PLEKHA7: variants seen among roughly 807,000 people sequenced by gnomAD.
PLEKHA7 encodes the protein pleckstrin homology domain-containing family A member 7.
In PLEKHA7, 104 loss-of-function variants were observed where a neutral mutation model predicts 170.0. The observed-to-expected ratio is 0.61, with a 90% CI of 0.52 to 0.72. The LOEUF (loss-of-function observed/expected upper bound fraction) is 0.72. PLEKHA7 is among the 30% of genes least tolerant of loss of function. PLEKHA7 has a pLI of 0.00. For missense variants in PLEKHA7, 1,615 were observed against 1,671.7 expected, an observed-to-expected ratio of 0.97 and a Z score of 0.59; for synonymous variants, 648 against 660.8, an observed-to-expected ratio of 0.98 and a Z score of 0.30.
chr11:16,802,857 A>T lies in PLEKHA7; in HGVS notation c.2157+115T>A, dbSNP rs114137366. ...CACCGCACCTGGTGCATTTTTTTTT[A>T]AATAAGCTAACATCTGCTCTTCAAT... On this transcript the variant is annotated intron_variant, in intron 15 of 26. Transcript: ENST00000531066. 3.2e-3 allele frequency: 2,950 copies of T among 928,146 alleles called. 56 individuals are homozygous for T. The African/African-American group carries it at 0.044, about 14-fold the overall frequency. 57.5% of individuals were successfully genotyped at this position (928,146 alleles called of 1,614,324 possible).
chr11:16,802,206 G>T (rs889045410), intron 15 of PLEKHA7, among the ~76,000 whole-genome samples: 1 of 152,186 alleles, frequency 6.6e-6, no homozygotes, highest in Non-Finnish European at 1.5e-5. Flanking sequence ...AAATGCAAAA[G>T]GAAAAAAATA....
chr11:16,993,672 C>T (rs536572031), intron 3 of PLEKHA7, among the ~76,000 whole-genome samples: 30 of 152,320 alleles, frequency 2.0e-4, no homozygotes, highest in Non-Finnish European at 4.3e-4. Flanking sequence ...ACTTGACATG[C>T]TTGCAAACAT....
At chr11:16,903,644 G>A (rs985336618) in intron 3 of PLEKHA7, among the ~76,000 whole-genome samples, 1 of 152,168 alleles carries the variant, frequency 6.6e-6, no homozygotes, top group Non-Finnish European at 1.5e-5. Flanking sequence ...ATAACTCACA[G>A]CATAAAGAAA....
chr11:17,012,058 G>A, intron 3 of PLEKHA7, among the ~76,000 whole-genome samples: 1 of 152,094 alleles, frequency 6.6e-6, no homozygotes, highest in East Asian at 1.9e-4. Context: ...CCACCCTCAG[G>A]CAAGCCACTT....
At chr11:16,847,466 G>C (rs1369375326) in intron 8 of PLEKHA7, among the ~76,000 whole-genome samples, 2 of 152,168 alleles carry the variant, frequency 1.3e-5, no homozygotes, top group Non-Finnish European at 2.9e-5. Context: ...TATATGACTA[G>C]AGGAAAGACA....
intron 13 of PLEKHA7, among the ~76,000 whole-genome samples, chr11:16,804,889 C>T (rs557767838): frequency 4.0e-5 from 6 of 151,324 alleles, no homozygotes; most frequent in African/African-American, 7.3e-5. Context: ...TCCTGCAATG[C>T]GGGGGGGGCG....
intron 8 of PLEKHA7, among the ~76,000 whole-genome samples, chr11:16,849,984 T>G (rs1852788817): frequency 6.6e-6 from 1 of 152,168 alleles, no homozygotes; most frequent in African/African-American, 2.4e-5. Flanking sequence ...AAGATGAGAC[T>G]GACTTTCCAA....
rs181243812 is a variant in PLEKHA7, at chr11:16,847,340, C to A, written c.696+3851G>T. ...ATCTCCTGACCTCGTGATCCGCCCC[C>A]CTCTGCCTCCCAAAGTCCTGGGATT... is the stretch of plus-strand genomic sequence containing the variant. On this transcript the variant is annotated intron_variant, in intron 8 of 26. Coordinates refer to ENST00000531066, the MANE Select transcript of PLEKHA7 (RefSeq NM_001329630.2). Among the ~76,000 whole-genome samples the A allele has an allele frequency of 2.0e-5, 3 of 152,166 alleles. No homozygotes were observed. In the East Asian group the frequency reaches 5.8e-4, roughly 30 times the overall value.
In PLEKHA7 at chr11:16,817,180, T is replaced by G; in HGVS notation, c.1486A>C (p.Lys496Gln). The stretch of plus-strand genomic sequence containing the variant: ...TGGCTGGCTCGGTCCTGCGCATACT[T>G]GTAGTCACTTGGCAGGTTTCGGGGA... ...PPPRNLPSDY[K>Q]YAQDRASHLK... The change falls in exon 11 of 27, where the codon AAG (lysine) becomes CAG (glutamine). Residue 496 changes from lysine (K) to glutamine (Q), a missense_variant. Coordinates refer to ENST00000531066, the MANE Select transcript of PLEKHA7 (RefSeq NM_001329630.2). The surrounding 1 kb of genome is among the most constrained non-coding windows in gnomAD (Gnocchi z 4.4). 1 of 1,614,124 alleles carries G rather than the reference T, an allele frequency of 6.2e-7. No homozygotes were observed. Among genetic ancestry groups the G allele is most frequent in the Non-Finnish European group, 8.5e-7 (1 of 1,180,018 alleles).
chr11:16,898,633 C>T (rs1390219199), intron 3 of PLEKHA7, among the ~76,000 whole-genome samples: 3 of 152,170 alleles, frequency 2.0e-5, no homozygotes, highest in Non-Finnish European at 2.9e-5. Flanking sequence ...ATTATTCTTC[C>T]TTATTTTGCC....
chr11:16,942,220 T>C (rs1360426914), intron 3 of PLEKHA7, among the ~76,000 whole-genome samples: 1 of 152,192 alleles, frequency 6.6e-6, no homozygotes, highest in East Asian at 1.9e-4. Context: ...TTGTGCCTCA[T>C]TGACTATACA....
chr11:16,862,023 G>A lies in PLEKHA7; in HGVS notation c.306-6109C>T, dbSNP rs557647736. 1.3e-3 allele frequency among the ~76,000 whole-genome samples: 197 copies of A among 152,238 alleles called. 2 individuals carry two copies. In the Middle Eastern group the frequency reaches 0.017, roughly 13 times the overall value. ...CACACCCCCTCTTCTCAGAGAAAGA[G>A]ACACACACAGACAGACCGCCAACGC... is the stretch of plus-strand genomic sequence containing the variant. On this transcript the variant is annotated intron_variant, in intron 4 of 26. Coordinates refer to ENST00000531066, the MANE Select transcript of PLEKHA7 (RefSeq NM_001329630.2).
At chr11:16,831,141 C>T (rs914471129) in intron 9 of PLEKHA7, among the ~76,000 whole-genome samples, 2 of 152,204 alleles carry the variant, frequency 1.3e-5, no homozygotes, top group Non-Finnish European at 1.5e-5. Flanking sequence ...TCCCATGGCT[C>T]CCGGGACTTA....
chr11:16,988,342 C>T (rs943111390), intron 3 of PLEKHA7, among the ~76,000 whole-genome samples: 1 of 152,230 alleles, frequency 6.6e-6, no homozygotes, highest in South Asian at 2.1e-4. Flanking sequence ...AGCCAAGGGA[C>T]AGTCAGGAAC....
chr11:16,884,478 C>CA (rs558035494), intron 3 of PLEKHA7, among the ~76,000 whole-genome samples: 101 of 151,974 alleles, frequency 6.6e-4, no homozygotes, highest in African/African-American at 9.2e-4. Context: ...ACTAAAAATA[C>CA]AAAAAAATTA....
chr11:17,006,641 AGG>A lies in PLEKHA7; in HGVS notation c.221+7346_221+7347del, dbSNP rs1865015215. On this transcript the variant is annotated intron_variant, in intron 3 of 26. Coordinates refer to ENST00000531066, the MANE Select transcript of PLEKHA7 (RefSeq NM_001329630.2). Reference sequence around the variant, plus strand: ...GACTCAGTCTCAAAAAAAAAAAAAAAGGAAGATGATATATAAGTGAATCAATA... The same window carrying A: ...GACTCAGTCTCAAAAAAAAAAAAAAAAAGATGATATATAAGTGAATCAATA... Among the ~76,000 whole-genome samples, 31 of 150,096 alleles carry A rather than the reference AGG, an allele frequency of 2.1e-4. 1 individual carries two copies. The highest frequency in any genetic ancestry group is 9.8e-4 in the East Asian group (5 of 5,102).
chr11:16,788,624 C>T (rs995509210), intron 23 of PLEKHA7: 2 of 195,258 alleles, frequency 1.0e-5, no homozygotes. Context: ...ACTGCAAGCC[C>T]AGGGAGACCA....
intron 3 of PLEKHA7, among the ~76,000 whole-genome samples, chr11:16,986,772 C>G (rs984639349): frequency 2.0e-4 from 30 of 152,170 alleles, no homozygotes; most frequent in Admixed American, 2.0e-3. Flanking sequence ...TGAGCCCCAC[C>G]TCTACCAACA....
chr11:16,979,984 G>T (rs1863324985), intron 3 of PLEKHA7, among the ~76,000 whole-genome samples: 1 of 152,160 alleles, frequency 6.6e-6, no homozygotes, highest in Non-Finnish European at 1.5e-5. Context: ...TGAGAAGCAA[G>T]GGGTCCTGCC....
Sources: gnomAD v4.1 joint callset for allele counts (sites outside exome capture counted in the v4.1 genomes callset) on GRCh38, gnomAD v4.1.1 for gene constraint, Gnocchi (gnomAD v3.1) non-coding constraint, MANE v1.5 for transcripts, NCBI Gene and HGNC (gene_info 2026-07-23, HGNC 2026-07-21) for gene names.